Variants in BPNT2 observed in about 807,000 individuals in gnomAD.
The protein encoded by BPNT2 is 3'(2'), 5'-bisphosphate nucleotidase 2, also known as Golgi-resident adenosine 3',5'-bisphosphate 3'-phosphatase.
BPNT2 carries 11 observed loss-of-function variants against 29.3 expected under a neutral mutation model. The ratio of observed to expected loss-of-function variants is 0.38; its 90% CI spans 0.24 to 0.62. The LOEUF (loss-of-function observed/expected upper bound fraction) is 0.62. Among genes scored for constraint, BPNT2 ranks in the 20% least tolerant of loss-of-function variants. The pLI is 0.62. For missense variants in BPNT2, 459 were observed against 473.4 expected (o/e 0.97, Z 0.28); for synonymous variants, 195 against 187.7 (o/e 1.04, Z -0.32).
chr8:56,983,469 A>G (rs970497035), intron 1 of BPNT2, among the ~76,000 whole-genome samples: 1 of 152,120 alleles, frequency 6.6e-6, no homozygotes, highest in African/African-American at 2.4e-5. Flanking sequence ...GAGAAAGGCT[A>G]AGGAGCTGAG....
chr8:56,968,344 G>C (rs141371618), intron 3 of BPNT2, among the ~76,000 whole-genome samples: 28 of 142,708 alleles, frequency 2.0e-4, no homozygotes, highest in Non-Finnish European at 4.0e-4. Flanking sequence ...AAAGGAAAGT[G>C]AAACAAGTAA....
intron 3 of BPNT2, among the ~76,000 whole-genome samples, chr8:56,969,944 C>T (rs946153708): frequency 1.3e-5 from 2 of 152,146 alleles, no homozygotes; most frequent in African/African-American, 2.4e-5. Context: ...AAGAATTAAA[C>T]ATTTATCCCG....
At chr8:56,989,967 T>C (rs1806390577) in intron 1 of BPNT2, among the ~76,000 whole-genome samples, 1 of 152,260 alleles carries the variant, frequency 6.6e-6, no homozygotes, top group Admixed American at 6.5e-5. Context: ...TTACTAGTTA[T>C]TCTGATTTTA....
At chr8:56,967,604 T>C (rs1376556601) in intron 3 of BPNT2, among the ~76,000 whole-genome samples, 2 of 151,946 alleles carry the variant, frequency 1.3e-5, no homozygotes, top group Non-Finnish European at 2.9e-5. Context: ...ATGGGAAGTA[T>C]TGAAAAAGGC....
rs1805785347 is a variant in BPNT2 at position 56,959,095 on chromosome 8, T to C, written c.*4698A>G. 6.6e-6 allele frequency: 1 copy of C among 152,174 alleles called. No homozygotes were observed. Among genetic ancestry groups the C allele is most frequent in the Non-Finnish European group, 1.5e-5 (1 of 68,032 alleles). 9.4% of individuals were successfully genotyped at this position (152,174 alleles called of 1,614,324 possible). ...ACATATTACTAATCAAATAACACAG[T>C]TTATGCTTTTTCAATTTCCACAAAT... is the stretch of plus-strand genomic sequence containing the variant. On this transcript the variant is annotated 3_prime_UTR_variant, in exon 5 of 5. Coordinates refer to ENST00000262644, the MANE Select transcript of BPNT2 (RefSeq NM_017813.5).
At chr8:56,980,357 GA>G (rs1057180475) in intron 1 of BPNT2, among the ~76,000 whole-genome samples, 160 bp from the exon 2 acceptor site, 103 of 144,216 alleles carry the variant, frequency 7.1e-4, no homozygotes, top group African/African-American at 1.7e-3. Flanking sequence ...AAATGAAAAT[GA>G]AAAAAAAAAA....
rs541047868 is a variant in BPNT2, at chr8:56,960,694, A to G, written c.*3099T>C. On this transcript the variant is annotated 3_prime_UTR_variant, in exon 5 of 5. Transcript: ENST00000262644. ...TAAAAGCAAGTTTCCTCAAGCATGC[A>G]TATCTACCCAACTCTCTTGTATTTT... is the stretch of plus-strand genomic sequence containing the variant. 6.6e-6 allele frequency: 1 copy of G among 152,208 alleles called. No homozygotes were observed. Among genetic ancestry groups the G allele is most frequent in the Non-Finnish European group, 1.5e-5 (1 of 68,042 alleles). The allele number at this position is 152,208 out of a possible 1,614,324, so 9.4% of individuals were successfully genotyped here.
At chr8:56,981,932 A>C (rs1481261579) in intron 1 of BPNT2, among the ~76,000 whole-genome samples, 1 of 152,134 alleles carries the variant, frequency 6.6e-6, no homozygotes, top group Non-Finnish European at 1.5e-5. Context: ...CAGCACTGAC[A>C]ATACATGAGT....
rs145026013 is a variant in BPNT2 at position 56,972,073 on chromosome 8, G to T, written c.647-5721C>A. On this transcript the variant is annotated intron_variant, in intron 3 of 4. Transcript: ENST00000262644. Reference sequence around the variant, plus strand: ...TCACGCCACTGCACTCCAGCCGAGCGAGACTCCGTCTCAAAAAAAAGAAAA... The same window carrying T: ...TCACGCCACTGCACTCCAGCCGAGCTAGACTCCGTCTCAAAAAAAAGAAAA... Among the ~76,000 whole-genome samples the T allele has an allele frequency of 2.0e-5, 3 of 151,074 alleles. No individual in the cohort carries two copies. In the South Asian group the frequency reaches 6.3e-4, roughly 32 times the overall value.
chr8:56,993,048 T>C, intron 1 of BPNT2, 151 bp downstream of exon 1: 3 of 1,490,994 alleles, frequency 2.0e-6, no homozygotes, highest in Non-Finnish European at 2.7e-6. Context: ...GCTCCTCTGC[T>C]GTCTGTCTGA....
At chr8:56,988,772 T>A (rs1806366202) in intron 1 of BPNT2, among the ~76,000 whole-genome samples, 1 of 152,192 alleles carries the variant, frequency 6.6e-6, no homozygotes, top group Non-Finnish European at 1.5e-5. Context: ...ATCAAAGGCA[T>A]CTCTAACATA....
intron 3 of BPNT2, among the ~76,000 whole-genome samples, chr8:56,971,317 G>A (rs909528431): frequency 6.7e-6 from 1 of 148,818 alleles, no homozygotes; most frequent in Non-Finnish European, 1.5e-5. Context: ...GTGGTTGGTT[G>A]GTACGTTCCT....
Position 56,963,722 on chromosome 8 carries a change from C to G in BPNT2, c.*71G>C, listed in dbSNP as rs564170685. 3.2e-6 allele frequency: 5 copies of G among 1,564,796 alleles called. No individual in the cohort carries two copies. The highest frequency in any genetic ancestry group is 3.3e-5 in the Admixed American group (2 of 59,968). On this transcript the variant is annotated 3_prime_UTR_variant, in exon 5 of 5. Transcript: ENST00000262644. The stretch of plus-strand genomic sequence containing the variant: ...TTAACCATGCATAGTCTCCACCAAT[C>G]CTTTGAAGCTTCCAGCATCTCAGGC...
rs1375310186 is a variant in BPNT2, at chr8:56,960,471, G to C, written c.*3322C>G. ...AGCACCTAACAAACAAGAGGAATTT[G>C]CACAACTGTTACTTAAAACATACAA... is the stretch of plus-strand genomic sequence containing the variant. On this transcript the variant is annotated 3_prime_UTR_variant, in exon 5 of 5. Coordinates refer to ENST00000262644, the MANE Select transcript of BPNT2 (RefSeq NM_017813.5). The C allele has an allele frequency of 6.6e-6, 1 of 152,136 alleles. No individual in the cohort carries two copies. Among genetic ancestry groups the C allele is most frequent in the African/African-American group, 2.4e-5 (1 of 41,420 alleles). 9.4% of individuals were successfully genotyped at this position (152,136 alleles called of 1,614,324 possible).
At chr8:56,982,026 A>T (rs1806253566) in intron 1 of BPNT2, among the ~76,000 whole-genome samples, 1 of 152,174 alleles carries the variant, frequency 6.6e-6, no homozygotes, top group South Asian at 2.1e-4. Flanking sequence ...AACTATCACC[A>T]ATCTCCAGAA....
intron 3 of BPNT2, among the ~76,000 whole-genome samples, chr8:56,968,349 A>C (rs567434529): frequency 6.6e-6 from 1 of 152,174 alleles, no homozygotes; most frequent in African/African-American, 2.4e-5. Context: ...AAAGTGAAAC[A>C]AGTAAACAGA....
At position 56,971,793 on chromosome 8, in the gene BPNT2, C is replaced by CA. The variant is rs1554539146; in HGVS notation, c.647-5442dup. 2.0e-5 allele frequency among the ~76,000 whole-genome samples: 3 copies of CA among 147,178 alleles called. 1 individual carries two copies. The highest frequency in any genetic ancestry group is 3.0e-5 in the Non-Finnish European group (2 of 66,034). ...AATAATTTTGTACCACCCCCCCCCC[C>CA]ACAATGCTACTGTGTGGGCCCAAGT... On this transcript the variant is annotated intron_variant, in intron 3 of 4. Transcript: ENST00000262644.
At chr8:56,975,880 T>C (rs555928472) in intron 3 of BPNT2, among the ~76,000 whole-genome samples, 38 of 152,308 alleles carry the variant, frequency 2.5e-4, no homozygotes, top group African/African-American at 8.4e-4. Context: ...TATTAAATTT[T>C]TGAGTCTCAT....
chr8:56,976,018 T>C (rs565542041), intron 3 of BPNT2, among the ~76,000 whole-genome samples: 1 of 152,304 alleles, frequency 6.6e-6, no homozygotes, highest in Admixed American at 6.5e-5. Context: ...TACATTTTAG[T>C]TTGGATGGCC....
Sources: gnomAD v4.1 joint callset for allele counts (sites outside exome capture counted in the v4.1 genomes callset) on GRCh38, gnomAD v4.1.1 for gene constraint, MANE v1.5 for transcripts, NCBI Gene and HGNC (gene_info 2026-07-23, HGNC 2026-07-21) for gene names.